TPD52: variants seen among roughly 807,000 people sequenced by gnomAD.
The protein encoded by TPD52 is tumor protein D52, also known as prostate and colon associated protein.
In TPD52, 17 loss-of-function variants were observed where a neutral mutation model predicts 31.3. That is an observed-to-expected ratio of 0.54 (90% CI 0.37 to 0.82). The LOEUF is 0.82. TPD52 is among the 40% of genes least tolerant of loss of function. TPD52 has a pLI of 0.00. For synonymous variants in TPD52, 83 were observed against 89.6 expected, an observed-to-expected ratio of 0.93 and a Z score of 0.42; for missense variants, 212 against 240.1, an observed-to-expected ratio of 0.88 and a Z score of 0.77.
chr8:80,125,985 G>A (rs545124765), intron 1 of TPD52, among the ~76,000 whole-genome samples: 1 of 152,294 alleles, frequency 6.6e-6, no homozygotes, highest in South Asian at 2.1e-4. Context: ...CTCACAGCAA[G>A]GGGTGTATGT....
chr8:80,091,464 C>CAAAA (rs58616020), intron 1 of TPD52, among the ~76,000 whole-genome samples: 1 of 121,876 alleles, frequency 8.2e-6, no homozygotes, highest in Non-Finnish European at 1.8e-5. Flanking sequence ...GACTCCATCT[C>CAAAA]AAAAAAAAAA....
At chr8:80,139,879 C>T (rs1172529318) in intron 1 of TPD52, among the ~76,000 whole-genome samples, 1 of 152,108 alleles carries the variant, frequency 6.6e-6, no homozygotes, top group African/African-American at 2.4e-5. Flanking sequence ...TGCCTGACTC[C>T]CAGTCACCCA....
intron 1 of TPD52, among the ~76,000 whole-genome samples, chr8:80,106,145 G>T (rs1807093467): frequency 6.6e-6 from 1 of 151,894 alleles, no homozygotes; most frequent in Non-Finnish European, 1.5e-5. Context: ...TATATTTATG[G>T]GGTACATGAG....
At chr8:80,049,429 A>G (rs939075318) in intron 5 of TPD52, among the ~76,000 whole-genome samples, 4 of 152,186 alleles carry the variant, frequency 2.6e-5, no homozygotes, top group African/African-American at 9.7e-5. Context: ...TTTTAAGCAT[A>G]ATTTTAGCTT....
chr8:80,094,457 T>C (rs866091243), intron 1 of TPD52, among the ~76,000 whole-genome samples: 30 of 83,678 alleles, frequency 3.6e-4, no homozygotes, highest in African/African-American at 1.3e-3. Flanking sequence ...TATATATATA[T>C]ATATATATAT....
rs908365002 is a variant in TPD52, at chr8:80,035,868, G to A, written c.*2248C>T. 3 of 152,120 alleles carry A rather than the reference G, an allele frequency of 2.0e-5. No individual in the cohort carries two copies. The highest frequency in any genetic ancestry group is 7.2e-5 in the African/African-American group (3 of 41,422). 9.4% of individuals were successfully genotyped at this position (152,120 alleles called of 1,614,324 possible). A position where few individuals can be genotyped will look rare whatever the true frequency, so the allele number is the denominator to read the frequency against. On this transcript the variant is annotated 3_prime_UTR_variant, in exon 8 of 8. Transcript: ENST00000518937. ...CAAGAGGAACCAGGAACTGTTTCTG[G>A]CATTTCTACTAATTACTATGTTTCT...
chr8:80,099,726 G>C (rs1243581667), intron 1 of TPD52, among the ~76,000 whole-genome samples: 2 of 152,090 alleles, frequency 1.3e-5, no homozygotes, highest in Admixed American at 1.3e-4. Context: ...GGCCAGGCTG[G>C]TCTTGAACAC....
intron 3 of TPD52, among the ~76,000 whole-genome samples, chr8:80,052,116 G>A (rs1478466848): frequency 6.6e-6 from 1 of 152,168 alleles, no homozygotes; most frequent in African/African-American, 2.4e-5. Flanking sequence ...TACATTTTAT[G>A]GGCATACTTT....
At chr8:80,034,450 G>T (rs1228123435), downstream of TPD52, among the ~76,000 whole-genome samples, 3 of 152,296 alleles carry the variant, frequency 2.0e-5, no homozygotes, top group East Asian at 5.8e-4. Context: ...GCTGCAGCTG[G>T]TGTCCTTGCA....
intron 1 of TPD52, among the ~76,000 whole-genome samples, chr8:80,087,422 A>T (rs1414644351): frequency 6.6e-6 from 1 of 152,238 alleles, no homozygotes; most frequent in Non-Finnish European, 1.5e-5. Context: ...TCAGCAAAGT[A>T]ACACAGGAGC....
chr8:80,040,290 C>T (rs1013887806), intron 7 of TPD52, among the ~76,000 whole-genome samples: 2 of 146,316 alleles, frequency 1.4e-5, no homozygotes, highest in African/African-American at 2.6e-5. Context: ...CGGGCTCAAG[C>T]GATCTTCCTA....
In TPD52 at chr8:80,056,284, A is replaced by G. The variant is rs1811879194; in HGVS notation, c.136-2854T>C. Among the ~76,000 whole-genome samples the G allele has an allele frequency of 2.0e-5, 3 of 152,222 alleles. No homozygotes were observed. In the South Asian group the frequency reaches 6.2e-4, roughly 31 times the overall value. Reference sequence around the variant, plus strand: ...TCAGGCACAGAAAGATAAATACTGCATGTTCTTACTCACATGTGGACGCCA... The same window carrying G: ...TCAGGCACAGAAAGATAAATACTGCGTGTTCTTACTCACATGTGGACGCCA... On this transcript the variant is annotated intron_variant, in intron 2 of 7. Transcript: ENST00000518937.
intron 2 of TPD52, among the ~76,000 whole-genome samples, chr8:80,055,306 C>A (rs1404793866): frequency 6.6e-6 from 1 of 152,222 alleles, no homozygotes; most frequent in African/African-American, 2.4e-5. Flanking sequence ...CCTAGCCCAG[C>A]ACATCATGGC....
At chr8:80,063,933 G>A (rs527582739) in intron 2 of TPD52, among the ~76,000 whole-genome samples, 17 of 131,496 alleles carry the variant, frequency 1.3e-4, no homozygotes, top group South Asian at 8.2e-4. Flanking sequence ...GAGGGGGAGG[G>A]GGGGCGGAAA....
chr8:80,080,476 G>A lies in TPD52; in HGVS notation c.20-15883C>T, dbSNP rs373546029. ...CATTCCAGACAAACGCAGAATGCAT[G>A]GCTGTCTAATCGCCTGATATCAGCC... On this transcript the variant is annotated intron_variant, in intron 1 of 7. Coordinates refer to ENST00000518937, the MANE Select transcript of TPD52 (RefSeq NM_001025253.3). 5 of 1,612,518 alleles carry A rather than the reference G, an allele frequency of 3.1e-6. No homozygotes were observed. In the South Asian group the frequency reaches 4.4e-5, roughly 14 times the overall value.
intron 1 of TPD52, chr8:80,127,587 T>A (rs930517427): frequency 6.6e-6 from 1 of 152,156 alleles, no homozygotes; most frequent in Non-Finnish European, 1.5e-5. Flanking sequence ...AAAGCCACCA[T>A]GTGGACAGAT....
chr8:80,062,973 T>TAA (rs540697243), intron 2 of TPD52, among the ~76,000 whole-genome samples: 1 of 150,770 alleles, frequency 6.6e-6, no homozygotes, highest in Non-Finnish European at 1.5e-5. Flanking sequence ...CCTTGTATCT[T>TAA]AAAAAAAAAG....
intron 7 of TPD52, among the ~76,000 whole-genome samples, chr8:80,041,299 AT>A (rs1364807753): frequency 6.6e-5 from 10 of 152,334 alleles, no homozygotes; most frequent in African/African-American, 2.2e-4. Flanking sequence ...TAATAAAAAA[AT>A]AAATTAAAAA....
intron 1 of TPD52, among the ~76,000 whole-genome samples, chr8:80,082,257 T>C (rs1486579122): frequency 1.3e-5 from 2 of 152,180 alleles, no homozygotes; most frequent in Non-Finnish European, 2.9e-5. Flanking sequence ...TTTATCATTA[T>C]CTGAAAGAAT....
Sources: gnomAD v4.1 joint callset for allele counts (sites outside exome capture counted in the v4.1 genomes callset) on GRCh38, gnomAD v4.1.1 for gene constraint, MANE v1.5 for transcripts, NCBI Gene and HGNC (gene_info 2026-07-23, HGNC 2026-07-21) for gene names.